Variants in AARS1 observed in about 807,000 individuals in gnomAD.
The protein encoded by AARS1 is alanyl-tRNA synthetase 1, also known as alanine--tRNA ligase, cytoplasmic.
A neutral mutation model predicts 108.9 loss-of-function variants in AARS1; 72 were observed. The ratio of observed to expected loss-of-function variants is 0.66; its 90% confidence interval spans 0.55 to 0.80. AARS1 has a LOEUF of 0.80. Among genes scored for constraint, AARS1 ranks in the 30% least tolerant of loss-of-function variants. AARS1 has a pLI of 0.00. For synonymous variants in AARS1, 489 were observed against 465.7 expected, an observed-to-expected ratio of 1.05 and a Z score of -0.64; for missense variants, 1,193 against 1,233.2, an observed-to-expected ratio of 0.97 and a Z score of 0.49.
At chr16:70,265,196 T>G in intron 10 of AARS1, 94 bp from the exon 11 acceptor site, 2 of 1,496,428 alleles carry the variant, frequency 1.3e-6, no homozygotes, top group East Asian at 2.3e-5. Flanking sequence ...CAGCATAAAC[T>G]GCCAGAACAG....
Position 70,259,149 on chromosome 16 carries a change from G to A in AARS1, c.1823C>T (p.Thr608Met), listed in dbSNP as rs1597435885. The change falls in exon 14 of 21, where the codon ACG (threonine) becomes ATG (methionine). Residue 608 changes from threonine to methionine, a missense_variant. Thr to Met is a moderately conservative substitution (Grantham distance 81). Coordinates refer to ENST00000261772, the MANE Select transcript of AARS1 (RefSeq NM_001605.3). ...GCGCAGGGCGAAGTTCAGAATGTGC[G>A]TAGCTGTGTGGTTGCTCATGATGGG... ...RRPIMSNHTA[T>M]HILNFALRSV... 7.4e-6 allele frequency: 12 copies of A among 1,614,062 alleles called. No homozygotes were observed. Among genetic ancestry groups the A allele is most frequent in the East Asian group, 2.2e-5 (1 of 44,900 alleles).
At chr16:70,261,669 G>T (rs560594632) in intron 12 of AARS1, among the ~76,000 whole-genome samples, 9 of 113,662 alleles carry the variant, frequency 7.9e-5, no homozygotes, top group Admixed American at 1.7e-4. Flanking sequence ...GAGCATCTTA[G>T]AATTTTTTTT....
intron 11 of AARS1, among the ~76,000 whole-genome samples, chr16:70,262,967 C>CAAAAAAAA (rs57444625): frequency 0.039 from 798 of 20,610 alleles, 159 homozygotes; most frequent in Non-Finnish European, 0.047. Context: ...GACTCGGTCT[C>CAAAAAAAA]AAAAAAAAAA....
At position 70,282,747 on chromosome 16, in the gene AARS1, G is replaced by A; in HGVS notation, c.17C>T (p.Thr6Ile). Residue 6 changes from threonine to isoleucine, a missense_variant, in exon 2 of 21, where the codon ACA becomes ATA. Transcript: ENST00000261772. MDSTL[T>I]ASEIRQRFID... ...AAATCGCTGCCGGATTTCACTTGCTGTTAGAGTAGAGTCCATCTTGAAAGT... is the reference window on the plus strand; with the variant it reads ...AAATCGCTGCCGGATTTCACTTGCTATTAGAGTAGAGTCCATCTTGAAAGT... 3.7e-6 allele frequency: 6 copies of A among 1,614,032 alleles called. No individual in the cohort carries two copies. Among genetic ancestry groups the A allele is most frequent in the Non-Finnish European group, 5.1e-6 (6 of 1,180,006 alleles).
chr16:70,273,019 C>T (rs971920541), intron 4 of AARS1, among the ~76,000 whole-genome samples: 3 of 151,648 alleles, frequency 2.0e-5, no homozygotes, highest in Admixed American at 6.6e-5. Context: ...TAAAAACCAG[C>T]GTCAAGATTA....
intron 5 of AARS1, among the ~76,000 whole-genome samples, chr16:70,271,067 C>T (rs781426162): frequency 4.6e-5 from 7 of 151,682 alleles, no homozygotes; most frequent in Non-Finnish European, 7.4e-5. Context: ...CAGGAGAACT[C>T]AGCAGGCTGA....
chr16:70,276,932 C>T, intron 3 of AARS1, 34 bp downstream of exon 3: 1 of 1,612,808 alleles, frequency 6.2e-7, no homozygotes, highest in Non-Finnish European at 8.5e-7. Flanking sequence ...CCATTTTCCT[C>T]AAAACCCTAG....
In AARS1 at chr16:70,277,161, G is replaced by C; in HGVS notation, c.145-7C>G. 2 of 1,614,040 alleles carry C rather than the reference G, an allele frequency of 1.2e-6. No homozygotes were observed. The highest frequency in any genetic ancestry group is 2.2e-5 in the South Asian group (2 of 91,076). On this transcript the variant is annotated splice_region_variant and splice_polypyrimidine_tract_variant and intron_variant, in intron 2 of 20. Transcript: ENST00000261772. Reference sequence around the variant, plus strand: ...TCAGGAAAATGGGTTTAAACTAAAAGAGAAGGACAGCAGTTCAACTTTTAA... The same window carrying C: ...TCAGGAAAATGGGTTTAAACTAAAACAGAAGGACAGCAGTTCAACTTTTAA...
At chr16:70,273,262 T>C (rs1960454013) in intron 4 of AARS1, among the ~76,000 whole-genome samples, 1 of 152,044 alleles carries the variant, frequency 6.6e-6, no homozygotes, top group Non-Finnish European at 1.5e-5. Flanking sequence ...GGCAAACACA[T>C]CATGGACAGC....
At chr16:70,276,324 T>G in intron 4 of AARS1, 162 bp downstream of exon 4, 1 of 754,444 alleles carries the variant, frequency 1.3e-6, no homozygotes, top group Non-Finnish European at 2.2e-6. Context: ...AACCTCCACC[T>G]CCTGGGTTCA....
At chr16:70,278,123 A>G (rs113339156) in intron 2 of AARS1, among the ~76,000 whole-genome samples, 42 of 152,214 alleles carry the variant, frequency 2.8e-4, no homozygotes, top group African/African-American at 8.9e-4. Context: ...TCACACCTGT[A>G]ATCCCACCAC....
chr16:70,288,437 T>A (rs1394938596), intron 1 of AARS1, among the ~76,000 whole-genome samples: 4 of 150,954 alleles, frequency 2.6e-5, no homozygotes, highest in African/African-American at 9.8e-5. Flanking sequence ...AGGCTCCCCC[T>A]CTTTTACTGT....
intron 12 of AARS1, among the ~76,000 whole-genome samples, chr16:70,261,835 A>G (rs1960140214): frequency 6.6e-6 from 1 of 151,698 alleles, no homozygotes. Context: ...ATACCTGGCT[A>G]ATTTTTGTAT....
intron 11 of AARS1, 137 bp downstream of exon 11, chr16:70,264,821 T>C: frequency 1.9e-6 from 2 of 1,036,992 alleles, no homozygotes; most frequent in South Asian, 2.7e-5. Flanking sequence ...TGTATAAAAG[T>C]GCATAGCGTG....
At chr16:70,283,548 A>T (rs1960761513) in intron 1 of AARS1, among the ~76,000 whole-genome samples, 1 of 152,096 alleles carries the variant, frequency 6.6e-6, no homozygotes. Flanking sequence ...CAAAAAAAGG[A>T]GGGGTCCATA....
At chr16:70,274,230 A>C (rs1960482803) in intron 4 of AARS1, among the ~76,000 whole-genome samples, 1 of 151,036 alleles carries the variant, frequency 6.6e-6, no homozygotes. Flanking sequence ...AATCCCAGCT[A>C]CTCGGGAGGC....
intron 1 of AARS1, among the ~76,000 whole-genome samples, chr16:70,283,394 T>G (rs187689262): frequency 1.4e-5 from 2 of 144,932 alleles, no homozygotes; most frequent in Admixed American, 7.0e-5. Flanking sequence ...AGACTCCGTC[T>G]CAAAAAAACA....
chr16:70,263,050 C>T (rs1440311646), intron 11 of AARS1, among the ~76,000 whole-genome samples: 1 of 145,672 alleles, frequency 6.9e-6, no homozygotes, highest in African/African-American at 2.5e-5. Flanking sequence ...GAATGCAACA[C>T]TCTGTCGGGT....
At chr16:70,286,336 G>T (rs1183541706) in intron 1 of AARS1, among the ~76,000 whole-genome samples, 1 of 151,074 alleles carries the variant, frequency 6.6e-6, no homozygotes, top group African/African-American at 2.4e-5. Flanking sequence ...CTTAAATCAC[G>T]CTGTGGCTCC....
Sources: allele counts gnomAD v4.1 joint callset (sites outside exome capture counted in the v4.1 genomes callset), GRCh38; gene constraint gnomAD v4.1.1; transcripts MANE v1.5; gene names NCBI Gene and HGNC (gene_info 2026-07-23, HGNC 2026-07-21).